The following TEX26 variants were observed in gnomAD, a reference collection of about 807,000 sequenced individuals.
TEX26 encodes the protein testis expressed 26.
A neutral mutation model predicts 35.3 loss-of-function variants in TEX26; 34 were observed. The observed-to-expected ratio is 0.96, with a 90% confidence interval of 0.73 to 1.28. The LOEUF (loss-of-function observed/expected upper bound fraction) is 1.28. Ranked by LOEUF, TEX26 falls within the 50% of genes most tolerant of loss-of-function variation. The pLI is 0.00. For missense variants in TEX26, 371 were observed against 330.1 expected, an observed-to-expected ratio of 1.12 and a Z score of -0.96; for synonymous variants, 136 against 111.8, an observed-to-expected ratio of 1.22 and a Z score of -1.36.
chr13:30,936,151 C>G (rs1161635309), intron 1 of TEX26, among the ~76,000 whole-genome samples: 1 of 152,112 alleles, frequency 6.6e-6, no homozygotes, highest in Non-Finnish European at 1.5e-5. Flanking sequence ...TATATCAATA[C>G]CTTGAATCCT....
At chr13:30,971,525 G>A (rs1444992334) in intron 6 of TEX26, among the ~76,000 whole-genome samples, 8 of 152,070 alleles carry the variant, frequency 5.3e-5, no homozygotes, top group Non-Finnish European at 1.2e-4. Flanking sequence ...GGAGAGAGAC[G>A]GTGCGTGTTG....
At chr13:30,939,590 C>A in intron 1 of TEX26, 104 bp from the exon 2 acceptor site, 2 of 1,004,704 alleles carry the variant, frequency 2.0e-6, no homozygotes, top group Admixed American at 2.1e-5. Flanking sequence ...GATAAACCAT[C>A]CAAAATGTTT....
intron 4 of TEX26, among the ~76,000 whole-genome samples, chr13:30,958,902 T>C (rs1229358681): frequency 2.0e-5 from 3 of 152,348 alleles, no homozygotes; most frequent in African/African-American, 7.2e-5. Flanking sequence ...CAATGTTTAC[T>C]AAGCCCTTAG....
In TEX26 at chr13:30,966,197, G is replaced by A. The variant is rs200624924; in HGVS notation, c.470-25G>A. The A allele has an allele frequency of 7.4e-6, 12 of 1,613,224 alleles. No individual in the cohort carries two copies. The East Asian group carries it at 1.8e-4, about 24-fold the overall frequency. On this transcript the variant is annotated intron_variant, in intron 4 of 6. Transcript: ENST00000380473. ...ACTTTGTTCACAAGGAGTAAGTATT[G>A]CCTTCCATTTCCATTCCACCCCAGC...
chr13:30,944,735 A>G (rs943609381), intron 2 of TEX26, among the ~76,000 whole-genome samples: 2 of 151,928 alleles, frequency 1.3e-5, no homozygotes, highest in African/African-American at 4.8e-5. Flanking sequence ...TTTAATTTCT[A>G]TGTATTTGTA....
intron 1 of TEX26, among the ~76,000 whole-genome samples, chr13:30,934,339 C>T (rs541069373): frequency 6.6e-6 from 1 of 152,356 alleles, no homozygotes; most frequent in South Asian, 2.1e-4. Flanking sequence ...TGTGTCCCCA[C>T]TGCCCAGGTT....
rs543039087 is a variant in TEX26 at position 30,951,907 on chromosome 13, A to C, written c.147-753A>C. Among the ~76,000 whole-genome samples the C allele has an allele frequency of 2.8e-5, 4 of 145,194 alleles. No homozygotes were observed. In the East Asian group the frequency reaches 8.3e-4, roughly 30 times the overall value. On this transcript the variant is annotated intron_variant, in intron 2 of 6. Coordinates refer to ENST00000380473, the MANE Select transcript of TEX26 (RefSeq NM_152325.3). ...ACATTTCATTTGGTTATTGTCTCTTACCTCATTTAATCTTTAAAAAAAAAG... is the reference window on the plus strand; with the variant it reads ...ACATTTCATTTGGTTATTGTCTCTTCCCTCATTTAATCTTTAAAAAAAAAG...
At chr13:30,962,549 A>G (rs1015502443) in intron 4 of TEX26, among the ~76,000 whole-genome samples, 4 of 152,158 alleles carry the variant, frequency 2.6e-5, no homozygotes, top group East Asian at 3.9e-4. Flanking sequence ...TGGCCTTCCC[A>G]TGTGTTTTAA....
At chr13:30,971,923 A>T (rs1286912119) in intron 6 of TEX26, among the ~76,000 whole-genome samples, 1 of 152,154 alleles carries the variant, frequency 6.6e-6, no homozygotes, top group Non-Finnish European at 1.5e-5. Context: ...ACTCCCACAA[A>T]TGGCCATGTA....
At chr13:30,936,990 A>G in intron 1 of TEX26, 1 of 985,302 alleles carries the variant, frequency 1.0e-6, no homozygotes, top group Non-Finnish European at 1.2e-6. Flanking sequence ...GCATAGAAAT[A>G]CAGCCCTTAC....
chr13:30,967,621 C>T (rs1457044752), intron 5 of TEX26, among the ~76,000 whole-genome samples: 2 of 152,218 alleles, frequency 1.3e-5, no homozygotes, highest in South Asian at 2.1e-4. Flanking sequence ...GTCAAATCCT[C>T]TCACCAGTTT....
chr13:30,963,231 G>A (rs2138311408), intron 4 of TEX26, among the ~76,000 whole-genome samples: 1 of 152,204 alleles, frequency 6.6e-6, no homozygotes, highest in African/African-American at 2.4e-5. Context: ...CTTTCTTTGG[G>A]CTAAACCATT....
intron 1 of TEX26, among the ~76,000 whole-genome samples, chr13:30,934,325 T>C (rs1953186065): frequency 6.6e-6 from 1 of 152,210 alleles, no homozygotes; most frequent in Non-Finnish European, 1.5e-5. Flanking sequence ...AATGGTAGGC[T>C]TGATGTGTCC....
chr13:30,964,365 G>A (rs1407607342), intron 4 of TEX26, among the ~76,000 whole-genome samples: 7 of 152,144 alleles, frequency 4.6e-5, no homozygotes, highest in South Asian at 2.1e-4. Flanking sequence ...TGTTATGGTT[G>A]CAAGACTTAC....
chr13:30,952,911 G>A, intron 3 of TEX26, 86 bp downstream of exon 3: 1 of 1,187,894 alleles, frequency 8.4e-7, no homozygotes, highest in Non-Finnish European at 1.2e-6. Flanking sequence ...ATGTCACAAA[G>A]ATCTCTCAGC....
At chr13:30,963,013 A>T (rs1234036956) in intron 4 of TEX26, among the ~76,000 whole-genome samples, 2 of 150,550 alleles carry the variant, frequency 1.3e-5, no homozygotes, top group African/African-American at 4.9e-5. Context: ...TATTTTTAGT[A>T]GGGACGGGGT....
chr13:30,956,421 G>A (rs1384876632), intron 3 of TEX26, among the ~76,000 whole-genome samples: 2 of 152,022 alleles, frequency 1.3e-5, no homozygotes, highest in African/African-American at 4.8e-5. Flanking sequence ...ATCATTGTTG[G>A]ACATTTGGAG....
Position 30,957,001 on chromosome 13 carries a change from T to C in TEX26, c.441T>C (p.Thr147=), listed in dbSNP as rs1168669496. ...KALSNQFISL[T]KRDFVDRSKA... ...TATCAAATCAGTTTATTTCCCTTACTAAGAGAGACTTTGTGGACAGATCAA... is the reference window on the plus strand; with the variant it reads ...TATCAAATCAGTTTATTTCCCTTACCAAGAGAGACTTTGTGGACAGATCAA... The change falls in exon 4 of 7, where the codon ACT becomes ACC. Residue 147 remains threonine (T), a synonymous_variant. Transcript: ENST00000380473. 1.2e-6 allele frequency: 2 copies of C among 1,614,222 alleles called. No individual in the cohort carries two copies. Among genetic ancestry groups the C allele is most frequent in the Admixed American group, 1.7e-5 (1 of 60,028 alleles).
At chr13:30,932,937 G>A (rs977711384) in intron 1 of TEX26, 161 bp downstream of exon 1, 1 of 718,740 alleles carries the variant, frequency 1.4e-6, no homozygotes, top group African/African-American at 1.8e-5. Context: ...GAATGACAGG[G>A]CCTTCATGAC....
Sources: gnomAD v4.1 joint callset for allele counts (sites outside exome capture counted in the v4.1 genomes callset) on GRCh38, gnomAD v4.1.1 for gene constraint, MANE v1.5 for transcripts, NCBI Gene and HGNC (gene_info 2026-07-23, HGNC 2026-07-21) for gene names.